KIAA1671: variants seen among roughly 807,000 people sequenced by gnomAD.
The protein encoded by KIAA1671 is uncharacterized protein KIAA1671.
Under a neutral mutation model 131.2 loss-of-function variants are expected in KIAA1671, and 52 were observed. The observed-to-expected ratio is 0.40, with a 90% CI of 0.32 to 0.50. The LOEUF (loss-of-function observed/expected upper bound fraction) is 0.50. Ranked by LOEUF, KIAA1671 falls within the 20% of genes least tolerant of loss-of-function variation. The pLI, the probability that KIAA1671 is intolerant of heterozygous loss-of-function variation, is 0.73. For missense variants in KIAA1671, 2,360 were observed against 2,364.2 expected (o/e 1.00, Z 0.04); for synonymous variants, 1,003 against 961.6 (o/e 1.04, Z -0.80).
At chr22:25,030,630 AAGTT>A (rs1926235383) in intron 3 of KIAA1671, among the ~76,000 whole-genome samples, 1 of 152,230 alleles carries the variant, frequency 6.6e-6, no homozygotes, top group Non-Finnish European at 1.5e-5. Flanking sequence ...CTGATGTTCT[AAGTT>A]AGTTAATAAT....
chr22:25,118,012 C>T (rs539967595), intron 6 of KIAA1671, among the ~76,000 whole-genome samples: 5 of 152,008 alleles, frequency 3.3e-5, no homozygotes, highest in Admixed American at 3.3e-4. Flanking sequence ...GTGACGCATG[C>T]CTGTAATCCC....
chr22:24,991,688 C>T (rs1923849964), intron 1 of KIAA1671, among the ~76,000 whole-genome samples: 2 of 148,684 alleles, frequency 1.3e-5, no homozygotes, highest in African/African-American at 5.0e-5. Context: ...GTCACGATCT[C>T]CTGACCTCGT....
At chr22:25,147,155 CTATTTTATTT>C (rs10526199) in intron 6 of KIAA1671, among the ~76,000 whole-genome samples, 3,816 of 139,028 alleles carry the variant, frequency 0.027, 75 homozygotes, top group African/African-American at 0.032. Context: ...TTATTTTTTA[CTATTTTATTT>C]TATTTTATTT....
At chr22:25,174,104 T>C (rs1357831953) in intron 7 of KIAA1671, 136 bp from the exon 8 acceptor site, 21 of 968,284 alleles carry the variant, frequency 2.2e-5, no homozygotes, top group Non-Finnish European at 1.7e-5. Flanking sequence ...GGTCTTCTGC[T>C]GGGATGTTCT....
intron 6 of KIAA1671, among the ~76,000 whole-genome samples, chr22:25,165,387 G>T (rs546518075): frequency 6.6e-6 from 1 of 152,280 alleles, no homozygotes; most frequent in African/African-American, 2.4e-5. Flanking sequence ...AGGTGTTCTG[G>T]CTCTGGAAGC....
At chr22:25,063,087 G>A (rs1478626442) in intron 6 of KIAA1671, 1 of 152,042 alleles carries the variant, frequency 6.6e-6, no homozygotes, top group Non-Finnish European at 1.5e-5. Flanking sequence ...CCAAGAGAGG[G>A]TTCTCGGATT....
Position 25,041,505 on chromosome 22 carries a change from G to A in KIAA1671, c.4375G>A (p.Gly1459Arg), listed in dbSNP as rs909443750. Residue 1459 changes from glycine (G) to arginine (R), a missense_variant, in exon 5 of 13, where the codon GGG becomes AGG. Coordinates refer to ENST00000358431, the MANE Select transcript of KIAA1671 (RefSeq NM_001145206.2). ...AKMGPCWWES[G>R]TGDSHKVLPR... ...AATGGGACCCTGTTGGTGGGAGTCA[G>A]GGACTGGAGACAGTCACAAGGTAAG... 1.0e-4 allele frequency: 161 copies of A among 1,545,808 alleles called. No individual in the cohort carries two copies. The East Asian group carries it at 3.6e-3, about 35-fold the overall frequency.
chr22:24,979,824 A>C (rs1222972720), intron 1 of KIAA1671, among the ~76,000 whole-genome samples: 6 of 152,026 alleles, frequency 3.9e-5, no homozygotes, highest in African/African-American at 1.4e-4. Context: ...CCACTGTTTT[A>C]TTTTCTTTCT....
intron 6 of KIAA1671, among the ~76,000 whole-genome samples, chr22:25,073,508 A>G (rs886904939): frequency 6.6e-6 from 1 of 152,204 alleles, no homozygotes; most frequent in Non-Finnish European, 1.5e-5. Flanking sequence ...CTCCTCTCAT[A>G]GTCACCTTTT....
chr22:25,191,636 C>A (rs987851144), intron 12 of KIAA1671, among the ~76,000 whole-genome samples: 1 of 152,184 alleles, frequency 6.6e-6, no homozygotes. Flanking sequence ...GTGTCCACAC[C>A]ACCGAGTTGT....
intron 10 of KIAA1671, among the ~76,000 whole-genome samples, chr22:25,184,180 G>A (rs748648433): frequency 5.3e-5 from 8 of 152,226 alleles, no homozygotes; most frequent in Admixed American, 3.9e-4. Flanking sequence ...GTTGGGCTGC[G>A]GGCAGACCCG....
At chr22:25,120,303 C>T (rs1429731819) in intron 6 of KIAA1671, among the ~76,000 whole-genome samples, 5 of 152,242 alleles carry the variant, frequency 3.3e-5, no homozygotes, top group Non-Finnish European at 7.3e-5. Context: ...TCACTTCATT[C>T]TCTGCTACAG....
intron 6 of KIAA1671, among the ~76,000 whole-genome samples, chr22:25,146,057 A>G (rs535268523): frequency 2.0e-4 from 31 of 152,266 alleles, no homozygotes; most frequent in African/African-American, 7.5e-4. Flanking sequence ...TCTCTTTAAA[A>G]CTCAGTGACA....
rs747174676 is a variant in KIAA1671 at position 25,195,903 on chromosome 22, G to A, written c.*3502G>A. 2 of 152,072 alleles carry A rather than the reference G, an allele frequency of 1.3e-5. No homozygotes were observed. Among genetic ancestry groups the A allele is most frequent in the Non-Finnish European group, 2.9e-5 (2 of 68,032 alleles). The allele number at this position is 152,072 out of a possible 1,614,324, so 9.4% of individuals were successfully genotyped here. On this transcript the variant is annotated 3_prime_UTR_variant, in exon 13 of 13. Transcript: ENST00000358431. ...CACCGTGTGTTAAAACACAAAAGCC[G>A]AAGTTCCATGGCATCATGATTCCGA...
intron 5 of KIAA1671, among the ~76,000 whole-genome samples, chr22:25,043,858 A>C (rs970126366): frequency 2.0e-5 from 3 of 152,200 alleles, no homozygotes; most frequent in Non-Finnish European, 2.9e-5. Context: ...GGCATCAGCA[A>C]ATCAGGCCAC....
intron 6 of KIAA1671, among the ~76,000 whole-genome samples, chr22:25,067,470 C>A (rs1928541816): frequency 6.6e-6 from 1 of 152,050 alleles, no homozygotes; most frequent in Non-Finnish European, 1.5e-5. Flanking sequence ...ACCCCTACCC[C>A]ACCCATCTCC....
chr22:25,100,808 A>G (rs1367370158), intron 6 of KIAA1671, among the ~76,000 whole-genome samples: 2 of 152,186 alleles, frequency 1.3e-5, no homozygotes, highest in African/African-American at 4.8e-5. Context: ...TACCTGGTTC[A>G]TAGTAGACAC....
chr22:25,010,881 T>C (rs1204083823), intron 1 of KIAA1671: 1 of 152,246 alleles, frequency 6.6e-6, no homozygotes, highest in African/African-American at 2.4e-5. Context: ...TATCCTTAAA[T>C]TGGCTTGTGG....
intron 1 of KIAA1671, among the ~76,000 whole-genome samples, chr22:24,998,478 G>A (rs915064283): frequency 1.3e-5 from 2 of 151,916 alleles, no homozygotes; most frequent in Admixed American, 6.6e-5. Context: ...CCAGCACTTC[G>A]GGAGGCTGAG....
Sources: allele counts gnomAD v4.1 joint callset (sites outside exome capture counted in the v4.1 genomes callset), GRCh38; gene constraint gnomAD v4.1.1; transcripts MANE v1.5; gene names NCBI Gene and HGNC (gene_info 2026-07-23, HGNC 2026-07-21).